POC1B: variants seen among roughly 807,000 people sequenced by gnomAD.
POC1B encodes the protein POC1 centriolar protein B, also known as POC1 centriolar protein homolog B.
A neutral mutation model predicts 60.6 loss-of-function variants in POC1B; 44 were observed. That is an observed-to-expected ratio of 0.73 (90% confidence interval 0.57 to 0.93). POC1B has a LOEUF of 0.93. Ranked by LOEUF, POC1B falls within the 40% of genes least tolerant of loss-of-function variation. POC1B has a pLI of 0.00. For missense variants in POC1B, 555 were observed against 572.3 expected (o/e 0.97, Z 0.31); for synonymous variants, 180 against 198.9 (o/e 0.90, Z 0.80).
chr12:89,523,234 T>C (rs1267208984), intron 2 of POC1B: 1 of 1,614,064 alleles, frequency 6.2e-7, no homozygotes, highest in East Asian at 2.2e-5. Context: ...TGGTCTATCC[T>C]CTGGAACATG....
At chr12:89,503,630 G>A (rs1326866175) in intron 2 of POC1B, among the ~76,000 whole-genome samples, 4 of 151,070 alleles carry the variant, frequency 2.6e-5, no homozygotes, top group Non-Finnish European at 1.5e-5. Flanking sequence ...TCTGAGATGT[G>A]GGGAGCGCCT....
At position 89,421,157 on chromosome 12, in the gene POC1B, C is replaced by T; in HGVS notation, c.1433G>A (p.Ser478Asn). 1 of 1,582,188 alleles carries T rather than the reference C, an allele frequency of 6.3e-7. No individual in the cohort carries two copies. Among genetic ancestry groups the T allele is most frequent in the Non-Finnish European group, 8.7e-7 (1 of 1,155,820 alleles). Reference protein sequence around the residue: ...QKLFSAVQQKS With the variant: ...QKLFSAVQQKN ...AAATGAAAATGAATTTTTTATTCAG[C>T]TTTTCTGTTGGACAGCACTGAAAAG... Residue 478 changes from serine (S) to asparagine (N), a missense_variant, in exon 12 of 12, where the codon AGC (serine) becomes AAC (asparagine). Transcript: ENST00000313546.
Position 89,459,698 on chromosome 12 carries a change from T to C in POC1B, c.1053A>G (p.Val351=). The change falls in exon 10 of 12, where the codon GTA becomes GTG. Residue 351 remains valine, a synonymous_variant. Coordinates refer to ENST00000313546, the MANE Select transcript of POC1B (RefSeq NM_172240.3). The part of the protein sequence containing the change: ...ETVEINPKLE[V]IDLQISTPPV... Reference sequence around the variant, plus strand: ...GGGGAGTAGAGATCTGCAAATCGATTACCTCAAGCTTTGGATTAATCTGTG... The same window carrying C: ...GGGGAGTAGAGATCTGCAAATCGATCACCTCAAGCTTTGGATTAATCTGTG... 2.6e-6 allele frequency: 4 copies of C among 1,543,972 alleles called. No individual in the cohort carries two copies. The highest frequency in any genetic ancestry group is 3.5e-6 in the Non-Finnish European group (4 of 1,143,254).
intron 4 of POC1B, among the ~76,000 whole-genome samples, chr12:89,486,868 T>A (rs577788021): frequency 2.6e-5 from 4 of 151,934 alleles, no homozygotes; most frequent in African/African-American, 9.7e-5. Context: ...GAAAAGGCAA[T>A]TTTTAAAAAC....
intron 4 of POC1B, chr12:89,485,337 C>T (rs2135731855): frequency 1.3e-5 from 2 of 152,296 alleles, no homozygotes. Context: ...CTTGTTCTAA[C>T]TGCAATAAGG....
chr12:89,497,171 T>A lies in POC1B; in HGVS notation c.272A>T (p.Lys91Met), dbSNP rs756669972. 1 of 1,611,536 alleles carries A rather than the reference T, an allele frequency of 6.2e-7. No homozygotes were observed. Among genetic ancestry groups the A allele is most frequent in the African/African-American group, 1.3e-5 (1 of 74,842 alleles). ...DRTVRLWIPD[K>M]RGKFSEFKAH... ...TCAAGTGTTTCTTTGTTTCTCTTACTTATCAGGAATCCAGAGTCTCACGGT... is the reference window on the plus strand; with the variant it reads ...TCAAGTGTTTCTTTGTTTCTCTTACATATCAGGAATCCAGAGTCTCACGGT... Residue 91 changes from lysine (K) to methionine (M), a missense_variant and splice_region_variant, in exon 3 of 12, where the codon AAG (lysine) becomes ATG (methionine). Transcript: ENST00000313546.
At chr12:89,417,947 C>T (rs967699947), downstream of POC1B, among the ~76,000 whole-genome samples, 1 of 152,198 alleles carries the variant, frequency 6.6e-6, no homozygotes, top group Non-Finnish European at 1.5e-5. Context: ...TATTGTTATC[C>T]TATATTCACA....
chr12:89,424,493 C>G lies in POC1B; in HGVS notation c.1332+668G>C, dbSNP rs141966895. 2.5e-4 allele frequency among the ~76,000 whole-genome samples: 38 copies of G among 152,236 alleles called. No individual in the cohort carries two copies. In the East Asian group the frequency reaches 6.4e-3, roughly 25 times the overall value. On this transcript the variant is annotated intron_variant, in intron 11 of 11. Coordinates refer to ENST00000313546, the MANE Select transcript of POC1B (RefSeq NM_172240.3). ...TTTTTATATAACTTGCTACTGTCCACTCTGACAAATATTAGTATTTAGTAT... is the reference window on the plus strand; with the variant it reads ...TTTTTATATAACTTGCTACTGTCCAGTCTGACAAATATTAGTATTTAGTAT...
intron 4 of POC1B, among the ~76,000 whole-genome samples, chr12:89,481,694 A>G (rs1183840704): frequency 6.6e-6 from 1 of 152,220 alleles, no homozygotes; most frequent in Non-Finnish European, 1.5e-5. Flanking sequence ...ATTGTCAAAT[A>G]CAAAGCTGCC....
intron 2 of POC1B, among the ~76,000 whole-genome samples, chr12:89,507,351 G>T (rs903301859): frequency 1.5e-5 from 2 of 136,778 alleles, no homozygotes; most frequent in African/African-American, 5.5e-5. Flanking sequence ...TCTTAGGAAA[G>T]AACTGTCCTA....
chr12:89,408,597 C>T, the POC1B span, among the ~76,000 whole-genome samples: 5 of 151,944 alleles, frequency 3.3e-5, no homozygotes, highest in Admixed American at 2.0e-4. Flanking sequence ...GCCATTCTCC[C>T]GCCTCAGCCT....
the POC1B span, among the ~76,000 whole-genome samples, chr12:89,401,517 TTTCTTTTTC>T: frequency 3.9e-5 from 6 of 152,060 alleles, no homozygotes; most frequent in African/African-American, 1.4e-4. Context: ...CGATTAGATT[TTTCTTTTTC>T]TTCTTCTTTA....
chr12:89,481,655 C>G (rs1043736780), intron 4 of POC1B, among the ~76,000 whole-genome samples: 3 of 152,068 alleles, frequency 2.0e-5, no homozygotes, highest in South Asian at 4.2e-4. Context: ...TACAAGGAAC[C>G]CCCTTGTATA....
intron 7 of POC1B, among the ~76,000 whole-genome samples, chr12:89,469,739 C>T (rs1882815382): frequency 1.3e-5 from 2 of 152,304 alleles, no homozygotes; most frequent in South Asian, 4.1e-4. Flanking sequence ...ATGGAATCTA[C>T]TTACCCATCA....
At chr12:89,458,216 T>G (rs1288278589) in intron 10 of POC1B, among the ~76,000 whole-genome samples, 1 of 152,334 alleles carries the variant, frequency 6.6e-6, no homozygotes, top group Non-Finnish European at 1.5e-5. Flanking sequence ...GTTTGCTCCT[T>G]CTCGCTACAG....
At chr12:89,509,999 C>A (rs1489457048) in intron 2 of POC1B, among the ~76,000 whole-genome samples, 1 of 125,366 alleles carries the variant, frequency 8.0e-6, no homozygotes, top group East Asian at 2.4e-4. Flanking sequence ...GCATGCGCCA[C>A]CACACTCAGT....
chr12:89,524,925 G>T, intron 2 of POC1B, 195 bp downstream of exon 2: 1 of 879,592 alleles, frequency 1.1e-6, no homozygotes, highest in Non-Finnish European at 1.7e-6. Context: ...TCTTGGCCGG[G>T]CCGGGGGCTG....
At chr12:89,469,376 A>C (rs1882802368) in intron 7 of POC1B, among the ~76,000 whole-genome samples, 1 of 152,226 alleles carries the variant, frequency 6.6e-6, no homozygotes, top group Admixed American at 6.5e-5. Context: ...ATTGAGAAAT[A>C]AGACAAAGGA....
At chr12:89,423,379 C>A (rs1292168911) in intron 11 of POC1B, among the ~76,000 whole-genome samples, 1 of 152,156 alleles carries the variant, frequency 6.6e-6, no homozygotes, top group African/African-American at 2.4e-5. Flanking sequence ...CTCAAGCAAT[C>A]CTTCTGCCTC....
Sources: allele counts gnomAD v4.1 joint callset (sites outside exome capture counted in the v4.1 genomes callset), GRCh38; gene constraint gnomAD v4.1.1; transcripts MANE v1.5; gene names NCBI Gene and HGNC (gene_info 2026-07-23, HGNC 2026-07-21).